Variants in CPAMD8 observed in about 807,000 individuals in gnomAD.
The protein encoded by CPAMD8 is C3 and PZP-like alpha-2-macroglobulin domain-containing protein 8.
CPAMD8 carries 146 observed loss-of-function variants against 224.7 expected under a neutral mutation model. The ratio of observed to expected loss-of-function variants is 0.65; its 90% CI spans 0.57 to 0.75. The LOEUF (loss-of-function observed/expected upper bound fraction) is 0.75. Among genes scored for constraint, CPAMD8 ranks in the 30% least tolerant of loss-of-function variants. The pLI, the probability that CPAMD8 is intolerant of heterozygous loss-of-function variation, is 0.00. For missense variants in CPAMD8, 2,301 were observed against 2,537.5 expected (o/e 0.91, Z 2.00); for synonymous variants, 966 against 1,044.6 (o/e 0.92, Z 1.45).
Position 16,904,524 on chromosome 19 carries a change from A to C in CPAMD8, c.4056T>G (p.Asn1352Lys). Residue 1352 changes from asparagine (N) to lysine (K), a missense_variant, in exon 31 of 42, where the codon AAT becomes AAG. Around this residue, in one of 4 missense-constraint regions of CPAMD8, gnomAD observed 1,709 missense variants for 1,753.2 expected, o/e 0.97. Transcript: ENST00000443236. ...ATGTGCCCTTGTCCACGTCCCAGGA[A>C]TTTGACAGGCTCCAGTGGGTGACCC... ...RDGVTHWSLSNSWDVDKGTFL... is the reference protein window; with the variant it reads ...RDGVTHWSLSKSWDVDKGTFL... The C allele has an allele frequency of 2.5e-6, 4 of 1,614,082 alleles. No homozygotes were observed. Among genetic ancestry groups the C allele is most frequent in the Non-Finnish European group, 3.4e-6 (4 of 1,179,914 alleles).
intron 22 of CPAMD8, among the ~76,000 whole-genome samples, chr19:16,943,841 TCACTCCAGAGCC>T (rs1464109124): frequency 6.6e-6 from 1 of 152,180 alleles, no homozygotes; most frequent in Non-Finnish European, 1.5e-5. Flanking sequence ...TCTGGGGCTC[TCACTCCAGAGCC>T]CACTCCCTGG....
At position 16,945,583 on chromosome 19, in the gene CPAMD8, C is replaced by T. The variant is rs376394204; in HGVS notation, c.2759G>A (p.Gly920Glu). 21 of 1,614,048 alleles carry T rather than the reference C, an allele frequency of 1.3e-5. No homozygotes were observed. In the African/African-American group the frequency reaches 2.1e-4, roughly 16 times the overall value. ...CACACTGCGCCTGACGTGATCCACCCCGATGGGGACCCTCCTGTCGGCGTG... is the reference window on the plus strand; with the variant it reads ...CACACTGCGCCTGACGTGATCCACCTCGATGGGGACCCTCCTGTCGGCGTG... ...ENHADRRVPI[G>E]VDHVRRSVMV... Residue 920 changes from glycine to glutamate, a missense_variant, in exon 22 of 42, where the codon GGG (glycine) becomes GAG (glutamate). By Grantham distance (98) the Gly-to-Glu change is moderately conservative (BLOSUM62 -2). This residue lies in a region of CPAMD8 where 1,709 missense variants were observed against 1,753.2 expected (regional missense o/e 0.97). Coordinates refer to ENST00000443236, the MANE Select transcript of CPAMD8 (RefSeq NM_015692.5).
chr19:16,963,312 G>C (rs571618257), intron 18 of CPAMD8, among the ~76,000 whole-genome samples: 11 of 152,252 alleles, frequency 7.2e-5, no homozygotes, highest in Admixed American at 7.2e-4. Context: ...CATGTGCAGA[G>C]ACACACATAG....
At chr19:16,975,575 G>A (rs1042045564) in intron 16 of CPAMD8, among the ~76,000 whole-genome samples, 1 of 152,118 alleles carries the variant, frequency 6.6e-6, no homozygotes, top group African/African-American at 2.4e-5. Flanking sequence ...AGGCGTGGTG[G>A]TGCATGCCTG....
rs764731437 is a variant in CPAMD8, at chr19:16,901,187, G to A, written c.4773+23C>T. 42 of 1,566,488 alleles carry A rather than the reference G, an allele frequency of 2.7e-5. No individual in the cohort carries two copies. In the Admixed American group the frequency reaches 3.1e-4, roughly 12 times the overall value. ...TATTGTTCAGAGATCCCTGCCCACC[G>A]CTGCTCACCGGCGCTGCCTCACCTG... On this transcript the variant is annotated intron_variant, in intron 36 of 41. Coordinates refer to ENST00000443236, the MANE Select transcript of CPAMD8 (RefSeq NM_015692.5).
intron 32 of CPAMD8, 50 bp downstream of exon 32, chr19:16,904,176 A>AGCCCCCCCCCCCCCCCCCCCCCCCCCC: frequency 1.1e-6 from 1 of 937,338 alleles, no homozygotes; most frequent in Non-Finnish European, 1.7e-6. Context: ...GACTGCAGGG[A>AGCCCCCCCCCCCCCCCCCCCCCCCCCC]CCCCACCCAC....
intron 27 of CPAMD8, among the ~76,000 whole-genome samples, chr19:16,917,032 A>ATAC: frequency 6.6e-6 from 1 of 152,326 alleles, no homozygotes; most frequent in South Asian, 2.1e-4. Flanking sequence ...ATGGTCTAGC[A>ATAC]TACTGTGCTC....
At chr19:16,965,889 A>C (rs1230950492) in intron 18 of CPAMD8, among the ~76,000 whole-genome samples, 1 of 152,220 alleles carries the variant, frequency 6.6e-6, no homozygotes, top group Non-Finnish European at 1.5e-5. Context: ...GATAGGAAGA[A>C]TCAATATAGT....
intron 18 of CPAMD8, among the ~76,000 whole-genome samples, chr19:16,962,567 T>C (rs991689731): frequency 6.6e-5 from 10 of 152,182 alleles, no homozygotes; most frequent in Non-Finnish European, 1.2e-4. Context: ...TACGTCTGAT[T>C]GGTGTACCTG....
chr19:16,929,150 G>A lies in CPAMD8; in HGVS notation c.2936C>T (p.Ala979Val). 2 of 1,614,056 alleles carry A rather than the reference G, an allele frequency of 1.2e-6. No individual in the cohort carries two copies. The highest frequency in any genetic ancestry group is 2.2e-5 in the South Asian group (2 of 91,080). ...RLTRFDVAVR[A>V]HNDARVALSS... ...CAAGGCCACACGGGCATCATTGTGA[G>A]CTCGCACAGCCACATCAAAGCGGGT... Residue 979 changes from alanine to valine, a missense_variant, in exon 24 of 42, where the codon GCT (alanine) becomes GTT (valine). Transcript: ENST00000443236.
intron 7 of CPAMD8, among the ~76,000 whole-genome samples, chr19:17,005,576 A>G (rs148218191): frequency 6.6e-6 from 1 of 152,174 alleles, no homozygotes; most frequent in Non-Finnish European, 1.5e-5. Flanking sequence ...GGAGTTGGAA[A>G]GGGCACATTG....
At chr19:16,970,553 T>C (rs545624494) in intron 18 of CPAMD8, among the ~76,000 whole-genome samples, 1 of 150,444 alleles carries the variant, frequency 6.6e-6, no homozygotes, top group Admixed American at 6.6e-5. Context: ...CCACTGGGGG[T>C]GTGGTCACAC....
chr19:17,005,073 G>A (rs1006469949), intron 7 of CPAMD8, among the ~76,000 whole-genome samples: 1 of 152,002 alleles, frequency 6.6e-6, no homozygotes, highest in African/African-American at 2.4e-5. Context: ...TCATTGTGGT[G>A]TGGGGGCATC....
At chr19:17,019,961 T>C (rs1018628254) in intron 3 of CPAMD8, among the ~76,000 whole-genome samples, 13 of 150,538 alleles carry the variant, frequency 8.6e-5, no homozygotes, top group Non-Finnish European at 1.8e-4. Flanking sequence ...TTCTTTTTTT[T>C]TTTTCTTTTC....
At chr19:17,019,211 T>C (rs1178735075) in intron 3 of CPAMD8, among the ~76,000 whole-genome samples, 1 of 151,142 alleles carries the variant, frequency 6.6e-6, no homozygotes, top group Non-Finnish European at 1.5e-5. Context: ...GCAACCTCCG[T>C]CCCATGGGTT....
At chr19:16,955,742 T>C (rs530271925) in intron 19 of CPAMD8, among the ~76,000 whole-genome samples, 75 of 152,318 alleles carry the variant, frequency 4.9e-4, no homozygotes, top group Non-Finnish European at 8.5e-4. Flanking sequence ...AGTGGTGTAA[T>C]TTCGTGTCAC....
intron 13 of CPAMD8, among the ~76,000 whole-genome samples, chr19:16,989,134 C>T (rs1164362125): frequency 6.6e-6 from 1 of 152,132 alleles, no homozygotes; most frequent in African/African-American, 2.4e-5. Flanking sequence ...ATTGCAATGT[C>T]ATAATAATAG....
chr19:16,980,070 G>C (rs1046776613), intron 14 of CPAMD8, among the ~76,000 whole-genome samples: 2 of 152,084 alleles, frequency 1.3e-5, no homozygotes, highest in East Asian at 3.8e-4. Flanking sequence ...GCTCAAGTTG[G>C]GGACCCTGTA....
At chr19:16,912,058 T>G (rs2052749424) in intron 29 of CPAMD8, among the ~76,000 whole-genome samples, 1 of 152,210 alleles carries the variant, frequency 6.6e-6, no homozygotes, top group African/African-American at 2.4e-5. Flanking sequence ...ACAGTCTAGT[T>G]GCAGGAAAAC....
Sources: gnomAD v4.1 joint callset for allele counts (sites outside exome capture counted in the v4.1 genomes callset) on GRCh38, gnomAD v4.1.1 for gene constraint, gnomAD v4.1.1 regional missense constraint, MANE v1.5 for transcripts, NCBI Gene and HGNC (gene_info 2026-07-23, HGNC 2026-07-21) for gene names.